RALGPS2: variants seen among roughly 807,000 people sequenced by gnomAD.
RALGPS2 encodes the protein ras-specific guanine nucleotide-releasing factor RalGPS2.
In RALGPS2, 43 loss-of-function variants were observed where a neutral mutation model predicts 86.8. The observed-to-expected ratio is 0.50, with a 90% CI of 0.39 to 0.64. The LOEUF is 0.64. Ranked by LOEUF, RALGPS2 falls within the 30% of genes least tolerant of loss-of-function variation. The pLI, the probability that RALGPS2 is intolerant of heterozygous loss-of-function variation, is 0.00. For missense variants in RALGPS2, 536 were observed against 694.6 expected, an observed-to-expected ratio of 0.77 and a Z score of 2.57; for synonymous variants, 243 against 231.3, an observed-to-expected ratio of 1.05 and a Z score of -0.46.
chr1:178,877,266 T>C (rs773262032), intron 8 of RALGPS2, among the ~76,000 whole-genome samples: 3 of 152,044 alleles, frequency 2.0e-5, no homozygotes, highest in African/African-American at 4.8e-5. Flanking sequence ...CAAGAAGACA[T>C]TTACAAAATA....
At chr1:178,846,383 A>T (rs1019472747) in intron 8 of RALGPS2, among the ~76,000 whole-genome samples, 2 of 152,148 alleles carry the variant, frequency 1.3e-5, no homozygotes, top group African/African-American at 4.8e-5. Flanking sequence ...TATATATTGT[A>T]TACTAAAACA....
In RALGPS2 at chr1:178,751,153, C is replaced by CA. The variant is rs553823972; in HGVS notation, c.-83-25526dup. On this transcript the variant is annotated intron_variant, in intron 1 of 19. Transcript: ENST00000367635. ...ACACACACCCTATGTCCCTCCCCCC[C>CA]AAACCCTTATGCTTTTTTCTACAAA... is the stretch of plus-strand genomic sequence containing the variant. 2.1e-4 allele frequency among the ~76,000 whole-genome samples: 32 copies of CA among 152,280 alleles called. No individual in the cohort carries two copies. In the South Asian group the frequency reaches 6.6e-3, roughly 32 times the overall value.
At chr1:178,870,776 T>C (rs1373980857) in intron 8 of RALGPS2, 3 of 152,200 alleles carry the variant, frequency 2.0e-5, no homozygotes, top group Non-Finnish European at 2.9e-5. Flanking sequence ...ATCCAGAAAC[T>C]TGCTGCCCTT....
At chr1:178,745,861 C>T (rs12141487) in intron 1 of RALGPS2, among the ~76,000 whole-genome samples, 5,741 of 116,560 alleles carry the variant, frequency 0.049, 140 homozygotes, top group Middle Eastern at 0.11. Context: ...TTCATTCTGT[C>T]GCTCAGGCTG....
chr1:178,782,947 A>G lies in RALGPS2; in HGVS notation c.58-1471A>G, dbSNP rs528556779. The stretch of plus-strand genomic sequence containing the variant: ...CCCAATATACCATTTCTAGCTTTCA[A>G]CAAAAAATTACAAGCCATGCTAAAA... On this transcript the variant is annotated intron_variant, in intron 2 of 19. Transcript: ENST00000367635. Among the ~76,000 whole-genome samples the G allele has an allele frequency of 1.1e-4, 16 of 152,312 alleles. No homozygotes were observed. In the East Asian group the frequency reaches 1.9e-3, roughly 18 times the overall value.
chr1:178,744,482 T>C (rs1266764978), intron 1 of RALGPS2, among the ~76,000 whole-genome samples: 2 of 152,108 alleles, frequency 1.3e-5, no homozygotes, highest in African/African-American at 4.8e-5. Context: ...TGTTTCACAG[T>C]GTACTGGAGG....
chr1:178,876,684 A>G (rs888749014), intron 8 of RALGPS2, among the ~76,000 whole-genome samples: 4 of 152,144 alleles, frequency 2.6e-5, no homozygotes, highest in African/African-American at 7.2e-5. Flanking sequence ...GTAGGAAGGT[A>G]TGTTTTTCTT....
At chr1:178,767,358 C>CTTTTTTTTTTTTT (rs1159630163) in intron 1 of RALGPS2, among the ~76,000 whole-genome samples, 7 of 70,432 alleles carry the variant, frequency 9.9e-5, no homozygotes, top group African/African-American at 1.9e-4. Context: ...TGTCCTTTGG[C>CTTTTTTTTTTTTT]TTTTTTTTTT....
chr1:178,920,293 G>A lies in RALGPS2; in HGVS notation c.*3934G>A, dbSNP rs894227987. Reference sequence around the variant, plus strand: ...GAGGGTTCTAATGAAAGAGATCCAGGCATAAAAACTCTTTTGCTTATTGAA... The same window carrying A: ...GAGGGTTCTAATGAAAGAGATCCAGACATAAAAACTCTTTTGCTTATTGAA... On this transcript the variant is annotated 3_prime_UTR_variant, in exon 20 of 20. Transcript: ENST00000367635. 6 of 151,900 alleles carry A rather than the reference G, an allele frequency of 3.9e-5. No homozygotes were observed. Among genetic ancestry groups the A allele is most frequent in the Non-Finnish European group, 8.8e-5 (6 of 67,848 alleles). 9.4% of individuals were successfully genotyped at this position (151,900 alleles called of 1,614,324 possible).
intron 8 of RALGPS2, among the ~76,000 whole-genome samples, chr1:178,845,064 C>G (rs143668053): frequency 1.3e-5 from 2 of 151,588 alleles, no homozygotes; most frequent in African/African-American, 4.8e-5. Context: ...CGCCTGTATT[C>G]CCACTCCAGC....
chr1:178,867,758 T>G (rs1166871896), intron 8 of RALGPS2, among the ~76,000 whole-genome samples: 2 of 152,048 alleles, frequency 1.3e-5, no homozygotes, highest in African/African-American at 4.8e-5. Flanking sequence ...GCAATTTCTT[T>G]CCTTCTGTAT....
chr1:178,885,296 G>T (rs1659434931), intron 12 of RALGPS2, 85 bp downstream of exon 12: 1 of 1,328,462 alleles, frequency 7.5e-7, no homozygotes, highest in South Asian at 1.6e-5. Flanking sequence ...GTAGAAAATG[G>T]TATCCTTGAA....
chr1:178,889,949 TAAAA>T lies in RALGPS2; in HGVS notation c.1247+255_1247+258del, dbSNP rs141895262. 6.9e-3 allele frequency among the ~76,000 whole-genome samples: 1,057 copies of T among 152,098 alleles called. 8 individuals are homozygous for T. Among genetic ancestry groups the T allele is most frequent in the African/African-American group, 0.024 (979 of 41,550 alleles). ...TTTTAATACATTTACATTTATAACT[TAAAA>T]ATAATAACCGATCATCGACAAGTAA... On this transcript the variant is annotated intron_variant, in intron 14 of 19. Coordinates refer to ENST00000367635, the MANE Select transcript of RALGPS2 (RefSeq NM_152663.5).
intron 7 of RALGPS2, 24 bp from the exon 8 acceptor site, chr1:178,833,400 T>C (rs746506940): frequency 6.8e-7 from 1 of 1,481,356 alleles, no homozygotes; most frequent in Non-Finnish European, 8.9e-7. Flanking sequence ...GTAAATAACT[T>C]AGGTTTTTCT....
chr1:178,779,237 A>T (rs1653259600), intron 2 of RALGPS2, among the ~76,000 whole-genome samples: 1 of 152,168 alleles, frequency 6.6e-6, no homozygotes, highest in African/African-American at 2.4e-5. Flanking sequence ...TCACCCCTCT[A>T]GTTAATATAT....
At chr1:178,771,932 T>C (rs972187595) in intron 1 of RALGPS2, among the ~76,000 whole-genome samples, 12 of 152,236 alleles carry the variant, frequency 7.9e-5, no homozygotes, top group Admixed American at 7.8e-4. Flanking sequence ...TAGATTGTTC[T>C]GTGATGTTCA....
At chr1:178,750,113 G>A (rs1227767487) in intron 1 of RALGPS2, among the ~76,000 whole-genome samples, 3 of 152,114 alleles carry the variant, frequency 2.0e-5, no homozygotes, top group Non-Finnish European at 4.4e-5. Flanking sequence ...TCTGTCTCAA[G>A]AAAACAAACA....
intron 8 of RALGPS2, among the ~76,000 whole-genome samples, chr1:178,854,639 A>G (rs1657408385): frequency 6.6e-6 from 1 of 152,176 alleles, no homozygotes; most frequent in Non-Finnish European, 1.5e-5. Context: ...TAGTTGATAG[A>G]TGTTCTAGAG....
At chr1:178,793,875 C>T (rs1654069169) in intron 4 of RALGPS2, among the ~76,000 whole-genome samples, 1 of 152,008 alleles carries the variant, frequency 6.6e-6, no homozygotes, top group South Asian at 2.1e-4. Flanking sequence ...TTTTTTCCTT[C>T]CCATAATTTA....
Sources: allele counts gnomAD v4.1 joint callset (sites outside exome capture counted in the v4.1 genomes callset), GRCh38; gene constraint gnomAD v4.1.1; transcripts MANE v1.5; gene names NCBI Gene and HGNC (gene_info 2026-07-23, HGNC 2026-07-21).